Variants in CDYL observed in about 807,000 individuals in gnomAD.
CDYL encodes chromodomain Y like.
Under a neutral mutation model 47.3 loss-of-function variants are expected in CDYL, and 8 were observed. That is an observed-to-expected ratio of 0.17 (90% CI 0.10 to 0.31). CDYL has a LOEUF of 0.31. Among genes scored for constraint, CDYL ranks in the 10% least tolerant of loss-of-function variants. The probability of loss-of-function intolerance (pLI) is 1.00; values close to 1 mark genes in which losing one functional copy is unlikely to be tolerated. For missense variants in CDYL, 471 were observed against 701.4 expected, an observed-to-expected ratio of 0.67 and a Z score of 3.71; for synonymous variants, 266 against 265.0, an observed-to-expected ratio of 1.00 and a Z score of -0.04.
At chr6:4,840,848 T>G (rs1462400528) in intron 1 of CDYL, among the ~76,000 whole-genome samples, 2 of 152,000 alleles carry the variant, frequency 1.3e-5, no homozygotes, top group Non-Finnish European at 2.9e-5. Context: ...TTTTTTGTTT[T>G]GTTATGTTTT....
At chr6:4,841,001 T>TA (rs1232235963) in intron 1 of CDYL, among the ~76,000 whole-genome samples, 1 of 152,184 alleles carries the variant, frequency 6.6e-6, no homozygotes, top group African/African-American at 2.4e-5. Context: ...AATTTTTCCT[T>TA]AAATGTCTGA....
intron 2 of CDYL, among the ~76,000 whole-genome samples, chr6:4,716,331 C>T (rs888361777): frequency 6.6e-6 from 1 of 152,050 alleles, no homozygotes; most frequent in East Asian, 1.9e-4. Context: ...AATACTCTAG[C>T]TGTTCGGACA....
At chr6:4,715,411 A>G (rs1308062945) in intron 1 of CDYL, among the ~76,000 whole-genome samples, 2 of 152,214 alleles carry the variant, frequency 1.3e-5, no homozygotes, top group African/African-American at 4.8e-5. Flanking sequence ...CAACCTCATG[A>G]TAAGTATCAG....
chr6:4,934,093 G>A (rs1304970025), intron 2 of CDYL, among the ~76,000 whole-genome samples: 1 of 152,116 alleles, frequency 6.6e-6, no homozygotes, highest in Non-Finnish European at 1.5e-5. Context: ...ACTACATCTA[G>A]TGTACTGCCA....
chr6:4,906,996 G>A lies in CDYL; in HGVS notation c.691+14617G>A, dbSNP rs140847257. ...TGTGCATTTCCCAGTTTTCACAAGG[G>A]GTTTTCTCATGTGCATGTAATAAGC... On this transcript the variant is annotated intron_variant, in intron 2 of 6. Coordinates refer to ENST00000397588, the MANE Select transcript of CDYL (RefSeq NM_004824.4). 3.7e-3 allele frequency among the ~76,000 whole-genome samples: 559 copies of A among 152,276 alleles called. 3 individuals carry two copies. The highest frequency in any genetic ancestry group is 4.5e-3 in the Non-Finnish European group (306 of 68,020).
At chr6:4,953,678 TTTGAAATAAGCCG>T (rs869027450) in intron 6 of CDYL, among the ~76,000 whole-genome samples, 8 of 152,314 alleles carry the variant, frequency 5.3e-5, no homozygotes, top group Middle Eastern at 3.4e-3. Flanking sequence ...CCAGCTCTCC[TTTGAAATAAGCCG>T]TTTTGAAGTT....
chr6:4,734,833 C>T (rs1561830267), exon 3 of CDYL: 12 of 1,613,980 alleles, frequency 7.4e-6, no homozygotes, highest in Admixed American at 1.7e-5. Flanking sequence ...ACAGCAGCCT[C>T]CCGCTTTACA....
intron 5 of CDYL, among the ~76,000 whole-genome samples, chr6:4,951,567 C>T (rs546780321): frequency 2.7e-3 from 414 of 151,870 alleles, no homozygotes; most frequent in Non-Finnish European, 3.4e-3. Context: ...TCCACTGAGC[C>T]GTGTGAGGTG....
intron 2 of CDYL, among the ~76,000 whole-genome samples, chr6:4,897,046 G>A (rs1581246507): frequency 1.3e-5 from 2 of 152,202 alleles, no homozygotes; most frequent in African/African-American, 4.8e-5. Flanking sequence ...TTTAGGTGAT[G>A]CAGCTAGCTG....
At chr6:4,935,937 C>CT (rs775692953) in intron 3 of CDYL, among the ~76,000 whole-genome samples, 166 bp downstream of exon 3, 1 of 152,176 alleles carries the variant, frequency 6.6e-6, no homozygotes, top group Non-Finnish European at 1.5e-5. Flanking sequence ...GCGGGCTTTG[C>CT]TCCATGTCCC....
chr6:4,834,997 A>G (rs1760255538), intron 1 of CDYL, among the ~76,000 whole-genome samples: 1 of 152,124 alleles, frequency 6.6e-6, no homozygotes, highest in Non-Finnish European at 1.5e-5. Flanking sequence ...TGAAGTTTTT[A>G]ACTTCTTTGC....
chr6:4,820,498 A>G (rs1261542204), intron 1 of CDYL, among the ~76,000 whole-genome samples: 1 of 152,134 alleles, frequency 6.6e-6, no homozygotes, highest in African/African-American at 2.4e-5. Context: ...TCTCTCTGGC[A>G]GCATCGGACC....
At position 4,926,370 on chromosome 6, in the gene CDYL, C is replaced by A. The variant is rs1369666436; in HGVS notation, c.692-9145C>A. Among the ~76,000 whole-genome samples, 3 of 152,324 alleles carry A rather than the reference C, an allele frequency of 2.0e-5. No individual in the cohort carries two copies. The East Asian group carries it at 5.8e-4, about 29-fold the overall frequency. Reference sequence around the variant, plus strand: ...CTCCATAAACGGAGAGCTATTAATTCTGTAGATGCTATAGTCCTTGCTTTT... The same window carrying A: ...CTCCATAAACGGAGAGCTATTAATTATGTAGATGCTATAGTCCTTGCTTTT... On this transcript the variant is annotated intron_variant, in intron 2 of 6. Coordinates refer to ENST00000397588, the MANE Select transcript of CDYL (RefSeq NM_004824.4).
chr6:4,770,695 A>T (rs1481848946), intron 3 of CDYL, among the ~76,000 whole-genome samples: 7 of 152,230 alleles, frequency 4.6e-5, no homozygotes, highest in Non-Finnish European at 1.0e-4. Flanking sequence ...TCACTCTGGG[A>T]TATGTGTAAT....
At chr6:4,823,136 T>A (rs1361417503) in intron 1 of CDYL, among the ~76,000 whole-genome samples, 1 of 152,108 alleles carries the variant, frequency 6.6e-6, no homozygotes, top group East Asian at 1.9e-4. Context: ...AAACAAGGAG[T>A]AGATAAGTTT....
chr6:4,826,266 G>C (rs1759979401), intron 1 of CDYL, among the ~76,000 whole-genome samples: 1 of 151,918 alleles, frequency 6.6e-6, no homozygotes, highest in Non-Finnish European at 1.5e-5. Context: ...TCTCTGTCCA[G>C]CTAATGGTTT....
chr6:4,789,905 A>G (rs1285560220), intron 1 of CDYL, among the ~76,000 whole-genome samples: 2 of 152,178 alleles, frequency 1.3e-5, no homozygotes, highest in African/African-American at 4.8e-5. Flanking sequence ...CTGTTCCTCT[A>G]AAACAAATCG....
At chr6:4,828,634 C>G (rs1760050019) in intron 1 of CDYL, among the ~76,000 whole-genome samples, 1 of 152,062 alleles carries the variant, frequency 6.6e-6, no homozygotes, top group African/African-American at 2.4e-5. Context: ...AATTGATTGG[C>G]TTTGGATAAG....
At chr6:4,719,211 CTGTT>C (rs1218771474) in intron 2 of CDYL, among the ~76,000 whole-genome samples, 2 of 152,222 alleles carry the variant, frequency 1.3e-5, no homozygotes, top group Non-Finnish European at 2.9e-5. Context: ...CCACACCTGG[CTGTT>C]TATTTCCACT....
Sources: gnomAD v4.1 joint callset for allele counts (sites outside exome capture counted in the v4.1 genomes callset) on GRCh38, gnomAD v4.1.1 for gene constraint, MANE v1.5 for transcripts, NCBI Gene and HGNC (gene_info 2026-07-23, HGNC 2026-07-21) for gene names.